The following NVL variants were observed in gnomAD, a reference collection of about 807,000 sequenced individuals.
The protein encoded by NVL is nuclear valosin-containing protein-like.
A neutral mutation model predicts 110.2 loss-of-function variants in NVL; 84 were observed. The ratio of observed to expected loss-of-function variants is 0.76; its 90% CI spans 0.64 to 0.91. NVL has a LOEUF of 0.91. Among genes scored for constraint, NVL ranks in the 40% least tolerant of loss-of-function variants. The probability of loss-of-function intolerance (pLI) is 0.00; values close to 1 mark genes in which losing one functional copy is unlikely to be tolerated. For missense variants in NVL, 882 were observed against 1,035.9 expected (o/e 0.85, Z 2.04); for synonymous variants, 354 against 361.1 (o/e 0.98, Z 0.22).
intron 9 of NVL, chr1:224,301,798 CAAAAAAA>C (rs61084002): frequency 3.6e-4 from 27 of 75,906 alleles, no homozygotes; most frequent in East Asian, 3.3e-3. Flanking sequence ...AAATCTGTTT[CAAAAAAA>C]AAAAAAAAAA....
In NVL at chr1:224,296,383, C is replaced by CT. The variant is rs530746363; in HGVS notation, c.1180+117dup. On this transcript the variant is annotated intron_variant, in intron 11 of 22. Transcript: ENST00000281701. ...GCATGAGCCACTGTGCCCAGTATGACTTTTTTTTTACACTATTTGATATTT... is the reference window on the plus strand; with the variant it reads ...GCATGAGCCACTGTGCCCAGTATGACTTTTTTTTTTACACTATTTGATATTT... 1.1e-3 allele frequency: 627 copies of CT among 564,254 alleles called. 2 individuals carry two copies. The highest frequency in any genetic ancestry group is 5.2e-3 in the African/African-American group (272 of 52,124). The allele number at this position is 564,254 out of a possible 1,614,324, so 35.0% of individuals were successfully genotyped here.
intron 16 of NVL, among the ~76,000 whole-genome samples, chr1:224,277,651 T>C (rs1407391316): frequency 1.3e-5 from 2 of 152,344 alleles, no homozygotes; most frequent in Non-Finnish European, 2.9e-5. Context: ...TTGAAACATA[T>C]GCAACATTTC....
chr1:224,281,146 TGACA>T lies in NVL; in HGVS notation c.1935_1938del (p.Val646ArgfsTer6). On this transcript the variant is annotated frameshift_variant, in exon 16 of 23. Transcript: ENST00000281701. LOFTEE classifies it high-confidence loss of function. ...ACCATGTTTAGTAATTCGGGGCCCT[TGACA>T]GATATAAAATTTAGTCCGGACTCAT... 6.2e-7 allele frequency: 1 copy of T among 1,613,960 alleles called. No homozygotes were observed. Among genetic ancestry groups the T allele is most frequent in the Non-Finnish European group, 8.5e-7 (1 of 1,179,932 alleles).
chr1:224,311,956 T>C (rs529963268), intron 4 of NVL, 99 bp from the exon 5 acceptor site: 3 of 924,046 alleles, frequency 3.2e-6, no homozygotes, highest in South Asian at 3.0e-5. Context: ...CAAAAGATTA[T>C]GGTGGTTAAG....
intron 18 of NVL, among the ~76,000 whole-genome samples, chr1:224,266,647 T>A (rs1269356620): frequency 1.3e-5 from 2 of 152,216 alleles, no homozygotes; most frequent in Non-Finnish European, 2.9e-5. Flanking sequence ...AAGACAAGCA[T>A]CTTCTTGAAA....
intron 5 of NVL, among the ~76,000 whole-genome samples, chr1:224,310,301 T>C (rs1669386491): frequency 6.6e-6 from 1 of 152,112 alleles, no homozygotes; most frequent in African/African-American, 2.4e-5. Flanking sequence ...TATAACGTTA[T>C]ATGCAAACAT....
chr1:224,229,086 G>A (rs953955675), intron 22 of NVL, among the ~76,000 whole-genome samples: 1 of 151,778 alleles, frequency 6.6e-6, no homozygotes, highest in Non-Finnish European at 1.5e-5. Flanking sequence ...CCTGAGGTTG[G>A]GAGTTGGAGA....
chr1:224,263,180 T>C (rs1664154110), intron 18 of NVL, among the ~76,000 whole-genome samples: 1 of 152,180 alleles, frequency 6.6e-6, no homozygotes, highest in Non-Finnish European at 1.5e-5. Flanking sequence ...TTCCTGCCAT[T>C]TGATTTGAAA....
chr1:224,228,151 T>A (rs147964369), intron 22 of NVL: 2 of 152,180 alleles, frequency 1.3e-5, no homozygotes, highest in Non-Finnish European at 2.9e-5. Flanking sequence ...ATCCTACACA[T>A]GCTCCTTTCC....
At chr1:224,313,057 G>T in intron 4 of NVL, 2 of 379,104 alleles carry the variant, frequency 5.3e-6, no homozygotes, top group East Asian at 8.4e-5. Context: ...TACCTGTGAG[G>T]CTGCGGTGGG....
chr1:224,255,275 C>A (rs1350485228), intron 18 of NVL, among the ~76,000 whole-genome samples: 3 of 150,156 alleles, frequency 2.0e-5, no homozygotes, highest in African/African-American at 7.4e-5. Context: ...CGGCAAGCTC[C>A]ACCTCCCTGG....
chr1:224,286,065 A>C lies in NVL; in HGVS notation c.1860T>G (p.Leu620=), dbSNP rs201113340. The C allele has an allele frequency of 5.0e-6, 8 of 1,614,118 alleles. No homozygotes were observed. In the East Asian group the frequency reaches 1.1e-4, roughly 22 times the overall value. Residue 620 remains leucine, a synonymous_variant, in exon 15 of 23, where the codon CTT becomes CTG. Transcript: ENST00000281701. ...TCTTCCCACAGCCAGGAGGACCAGC[A>C]AGGAGGACCCCAGCTGGAGTCACCA... ...LGLVTPAGVL[L]AGPPGCGKTL...
Position 224,308,067 on chromosome 1 carries a change from C to T in NVL, c.539G>A (p.Ser180Asn), listed in dbSNP as rs768070218. 1.9e-6 allele frequency: 3 copies of T among 1,605,924 alleles called. No individual in the cohort carries two copies. The highest frequency in any genetic ancestry group is 2.2e-5 in the South Asian group (2 of 89,110). Residue 180 changes from serine to asparagine, a missense_variant, in exon 6 of 23, where the codon AGT becomes AAT. By Grantham distance (46) the Ser-to-Asn change is conservative. Transcript: ENST00000281701. ...EGGWFIDKTP[S>N]VKKDSFFLDL... The stretch of plus-strand genomic sequence containing the variant: ...CAAGAAAAAACTGTCTTTCTTTACA[C>T]TTGGGGTTTTGTCAATAAACCATCC...
chr1:224,307,006 T>A (rs1013682260), intron 6 of NVL, among the ~76,000 whole-genome samples: 1 of 152,020 alleles, frequency 6.6e-6, no homozygotes, highest in South Asian at 2.1e-4. Flanking sequence ...TAGAAATCAG[T>A]TGAAGCATCA....
At chr1:224,263,046 TTGATAAGAAATAGCCATAAGAGCATA>T (rs1293092171) in intron 18 of NVL, among the ~76,000 whole-genome samples, 3 of 152,102 alleles carry the variant, frequency 2.0e-5, no homozygotes, top group Non-Finnish European at 2.9e-5. Flanking sequence ...GTGTTTAAAA[TTGATAAGAAATAGCCATAAGAGCATA>T]TTTGAAAATA....
chr1:224,294,058 C>T (rs1667631572), intron 12 of NVL, among the ~76,000 whole-genome samples: 1 of 152,172 alleles, frequency 6.6e-6, no homozygotes, highest in Non-Finnish European at 1.5e-5. Flanking sequence ...CCTCGGCCTC[C>T]CAAAGTGTTG....
At chr1:224,282,431 C>T (rs1666454556) in intron 15 of NVL, among the ~76,000 whole-genome samples, 1 of 152,168 alleles carries the variant, frequency 6.6e-6, no homozygotes, top group Non-Finnish European at 1.5e-5. Context: ...AAATGCTAGT[C>T]TCTGTACTCA....
At chr1:224,312,128 T>G (rs1669586133) in intron 4 of NVL, 2 of 283,024 alleles carry the variant, frequency 7.1e-6, no homozygotes, top group Non-Finnish European at 1.3e-5. Context: ...ACTTGCAAAG[T>G]CCTTATGCAT....
chr1:224,251,239 A>C (rs1210885468), intron 18 of NVL, among the ~76,000 whole-genome samples: 3 of 139,340 alleles, frequency 2.2e-5, no homozygotes, highest in South Asian at 4.5e-4. Flanking sequence ...GTGCCACTGC[A>C]CTTCAGCCTG....
Sources: allele counts gnomAD v4.1 joint callset (sites outside exome capture counted in the v4.1 genomes callset), GRCh38; gene constraint gnomAD v4.1.1; transcripts MANE v1.5; gene names NCBI Gene and HGNC (gene_info 2026-07-23, HGNC 2026-07-21).